The following MUC12 variants were observed in gnomAD, a reference collection of about 807,000 sequenced individuals.
MUC12 encodes mucin 12, cell surface associated.
In MUC12, 172 loss-of-function variants were observed where a neutral mutation model predicts 230.8. The observed-to-expected ratio is 0.75, with a 90% CI of 0.66 to 0.85. The LOEUF (loss-of-function observed/expected upper bound fraction) is 0.85. Among genes scored for constraint, MUC12 ranks in the 40% least tolerant of loss-of-function variants. The pLI, the probability that MUC12 is intolerant of heterozygous loss-of-function variation, is 0.00. For synonymous variants in MUC12, 1,259 were observed against 2,401.9 expected, an observed-to-expected ratio of 0.52 and a Z score of 13.91; for missense variants, 3,506 against 5,920.6, an observed-to-expected ratio of 0.59 and a Z score of 13.38.
intron 11 of MUC12, 109 bp from the exon 12 acceptor site, chr7:101,018,486 T>G: frequency 3.2e-6 from 1 of 309,050 alleles, no homozygotes. Context: ...TGGGACTCCC[T>G]CCCTCCCCCT....
At chr7:101,006,667 T>G (rs1793758196) in intron 3 of MUC12, 95 bp downstream of exon 3, 1 of 835,428 alleles carries the variant, frequency 1.2e-6, no homozygotes, top group Non-Finnish European at 2.0e-6. Flanking sequence ...CTGCCTCACT[T>G]GCAGGTGGAG....
rs1334937346 is a variant in MUC12, at chr7:100,991,830, C to T, written c.1267C>T (p.His423Tyr). The part of the protein sequence containing the change: ...HSSLGSTETT[H>Y]FRDSSTISGR... ...CAGCCTGGGCTCAACTGAAACAACA[C>T]ACTTCCGTGATAGCTCCACAATCTC... Residue 423 changes from histidine to tyrosine, a missense_variant, in exon 2 of 12, where the codon CAC (histidine) becomes TAC (tyrosine). Physicochemically the swap from His to Tyr is moderately conservative, Grantham distance 83. Transcript: ENST00000536621. 1 of 1,537,708 alleles carries T rather than the reference C, an allele frequency of 6.5e-7. No homozygotes were observed. Among genetic ancestry groups the T allele is most frequent in the South Asian group, 1.2e-5 (1 of 84,044 alleles).
intron 1 of MUC12, among the ~76,000 whole-genome samples, chr7:100,987,136 G>A (rs1793203430): frequency 7.3e-6 from 1 of 137,380 alleles, no homozygotes; most frequent in Non-Finnish European, 1.5e-5. Context: ...GTGCAATCTC[G>A]GCTCACCGCA....
Position 101,003,218 on chromosome 7 carries a change from T to A in MUC12, c.12655T>A (p.Ser4219Thr). ...AGGCGTCAGTGAAGAATCCACCACC[T>A]CCCACAGCCGACCAGGCTCAATGCA... ...SSGVSEESTT[S>T]HSRPGSMHTT... The change falls in exon 2 of 12, where the codon TCC becomes ACC. Residue 4219 changes from serine to threonine, a missense_variant. Transcript: ENST00000536621. 1 of 1,426,470 alleles carries A rather than the reference T, an allele frequency of 7.0e-7. No individual in the cohort carries two copies. Among genetic ancestry groups the A allele is most frequent in the Non-Finnish European group, 9.2e-7 (1 of 1,086,850 alleles). 88.4% of individuals were successfully genotyped at this position (1,426,470 alleles called of 1,614,324 possible). A position where few individuals can be genotyped will look rare whatever the true frequency, so the allele number is the denominator to read the frequency against.
intron 8 of MUC12, among the ~76,000 whole-genome samples, chr7:101,013,601 G>A (rs550425778): frequency 3.3e-5 from 5 of 152,274 alleles, no homozygotes; most frequent in African/African-American, 1.2e-4. Context: ...CATGATAACA[G>A]GCCCATTTAG....
chr7:100,979,050 AC>A (rs1176731953), intron 1 of MUC12, among the ~76,000 whole-genome samples: 1 of 151,852 alleles, frequency 6.6e-6, no homozygotes, highest in Non-Finnish European at 1.5e-5. Flanking sequence ...CCTCAAGCAA[AC>A]CTCCTGCCTC....
chr7:101,009,639 C>G (rs1484461961), intron 5 of MUC12, among the ~76,000 whole-genome samples: 1 of 151,984 alleles, frequency 6.6e-6, no homozygotes, highest in Non-Finnish European at 1.5e-5. Context: ...TCGAGACTAG[C>G]CTGGGCAACA....
chr7:100,969,666 C>G lies in MUC12; in HGVS notation c.44C>G (p.Ala15Gly). Reference protein sequence around the residue: ...WILTLALRLCASVTTVTPGST... With the variant: ...WILTLALRLCGSVTTVTPGST... ...CTGACGCTGGCTCTCCGGCTCTGCG[C>G]GTCCGTTACTACAGTGACACCAGGT... Residue 15 changes from alanine (A) to glycine (G), a missense_variant, in exon 1 of 12, where the codon GCG (alanine) becomes GGG (glycine). By Grantham distance (60) the Ala-to-Gly change is moderately conservative. Coordinates refer to ENST00000536621, the MANE Select transcript of MUC12 (RefSeq NM_001164462.2). The G allele has an allele frequency of 6.5e-7, 1 of 1,537,438 alleles. No homozygotes were observed. The highest frequency in any genetic ancestry group is 1.7e-4 in the Middle Eastern group (1 of 5,990).
intron 1 of MUC12, among the ~76,000 whole-genome samples, chr7:100,977,124 G>A (rs1191166926): frequency 1.3e-5 from 2 of 149,386 alleles, no homozygotes; most frequent in African/African-American, 4.9e-5. Flanking sequence ...GGAGGAGTCA[G>A]GATTTGAACC....
chr7:100,972,011 T>C, intron 1 of MUC12: 1 of 700,604 alleles, frequency 1.4e-6, no homozygotes, highest in Admixed American at 2.0e-5. Flanking sequence ...CATCTATCTA[T>C]GGCCAGTGCA....
At position 101,004,624 on chromosome 7, in the gene MUC12, C is replaced by T. The variant is rs529961565; in HGVS notation, c.14061C>T (p.His4687=). Residue 4687 remains histidine (H), a synonymous_variant, in exon 2 of 12, where the codon CAC becomes CAT. Coordinates refer to ENST00000536621, the MANE Select transcript of MUC12 (RefSeq NM_001164462.2). ...SGRSEESTAS[H]SSPDTNGITP... ...GTAGTGAGGAATCAACAGCATCCCA[C>T]AGCAGCCCAGATACAAATGGAATCA... The T allele has an allele frequency of 3.9e-6, 6 of 1,537,416 alleles. No homozygotes were observed. Among genetic ancestry groups the T allele is most frequent in the Non-Finnish European group, 5.2e-6 (6 of 1,146,600 alleles).
At chr7:101,011,388 T>G (rs1156566210) in intron 5 of MUC12, among the ~76,000 whole-genome samples, 1 of 152,202 alleles carries the variant, frequency 6.6e-6, no homozygotes, top group Admixed American at 6.5e-5. Context: ...CATTGGCTAT[T>G]GAAGGAGTAG....
chr7:101,007,339 T>C (rs1793771011), intron 3 of MUC12, among the ~76,000 whole-genome samples: 1 of 152,190 alleles, frequency 6.6e-6, no homozygotes. Flanking sequence ...GTCTTATTCA[T>C]CCTTTCTAAC....
intron 8 of MUC12, among the ~76,000 whole-genome samples, chr7:101,013,455 A>G (rs1476931636): frequency 6.6e-6 from 1 of 151,590 alleles, no homozygotes; most frequent in African/African-American, 2.4e-5. Context: ...CTATCTTTGT[A>G]TCTCTATCTC....
chr7:101,004,892 C>A lies in MUC12; in HGVS notation c.14329C>A (p.His4777Asn). ...CTTGTATAGCCAAGCAGAGTCAACA[C>A]ACACAACAGCGTTCCCTGCCAGCAC... The part of the protein sequence containing the change: ...TSLYSQAEST[H>N]TTAFPASTTT... Residue 4777 changes from histidine (H) to asparagine (N), a missense_variant, in exon 2 of 12, where the codon CAC becomes AAC. Physicochemically the swap from His to Asn is moderately conservative, Grantham distance 68. Transcript: ENST00000536621. 6.5e-7 allele frequency: 1 copy of A among 1,537,784 alleles called. No individual in the cohort carries two copies. Among genetic ancestry groups the A allele is most frequent in the Non-Finnish European group, 8.7e-7 (1 of 1,147,026 alleles).
Position 101,004,548 on chromosome 7 carries a change from C to G in MUC12, c.13985C>G (p.Pro4662Arg). ...VEEPTSYHSS[P>R]GSIATTHFPE... ...GAACCTACCAGCTACCACAGCAGCC[C>G]GGGCTCAATTGCAACAACACACTTT... is the stretch of plus-strand genomic sequence containing the variant. Residue 4662 changes from proline to arginine, a missense_variant, in exon 2 of 12, where the codon CCG (proline) becomes CGG (arginine). Pro to Arg is a moderately radical substitution (Grantham distance 103). Transcript: ENST00000536621. 6.5e-7 allele frequency: 1 copy of G among 1,537,282 alleles called. No individual in the cohort carries two copies. Among genetic ancestry groups the G allele is most frequent in the Non-Finnish European group, 8.7e-7 (1 of 1,146,848 alleles).
In MUC12 at chr7:101,013,234, T is replaced by C. The variant is rs965920020; in HGVS notation, c.15638+92T>C. 3 of 1,439,930 alleles carry C rather than the reference T, an allele frequency of 2.1e-6. No individual in the cohort carries two copies. In the African/African-American group the frequency reaches 4.2e-5, roughly 20 times the overall value. 89.2% of individuals were successfully genotyped at this position (1,439,930 alleles called of 1,614,324 possible). ...TCACCCACAGGGTTGGGGGATTGAG[T>C]AGAGCTTGGGAGGTGCCTCCTCCCC... On this transcript the variant is annotated intron_variant, in intron 8 of 11. Transcript: ENST00000536621.
chr7:100,987,239 G>T lies in MUC12; in HGVS notation c.68-3392G>T, dbSNP rs182554555. Among the ~76,000 whole-genome samples, 796 of 151,990 alleles carry T rather than the reference G, an allele frequency of 5.2e-3. 6 individuals are homozygous for T. Among genetic ancestry groups the T allele is most frequent in the African/African-American group, 0.018 (766 of 41,470 alleles). On this transcript the variant is annotated intron_variant, in intron 1 of 11. Transcript: ENST00000536621. ...ATGCTACCATGCCTGGCTAATTTTTGTATTTTTAGTAGGGATGGGGTTTCA... is the reference window on the plus strand; with the variant it reads ...ATGCTACCATGCCTGGCTAATTTTTTTATTTTTAGTAGGGATGGGGTTTCA...
rs1345474582 is a variant in MUC12, at chr7:100,991,944, C to A, written c.1381C>A (p.Leu461Ile). The A allele has an allele frequency of 4.6e-6, 7 of 1,537,926 alleles. No homozygotes were observed. The Admixed American group carries it at 9.8e-5, about 22-fold the overall frequency. Residue 461 changes from leucine to isoleucine, a missense_variant, in exon 2 of 12, where the codon CTT becomes ATT. By Grantham distance (5) the Leu-to-Ile change is conservative (BLOSUM62 2). Coordinates refer to ENST00000536621, the MANE Select transcript of MUC12 (RefSeq NM_001164462.2). ...ACCTGCCGGCTCTACACCCTCAGTT[C>A]TTGTTGGAGACTCGACGCCCTCACC... is the stretch of plus-strand genomic sequence containing the variant. ...VLPAGSTPSV[L>I]VGDSTPSPIS... is the part of the protein sequence containing the mutation.
Sources: gnomAD v4.1 joint callset for allele counts (sites outside exome capture counted in the v4.1 genomes callset) on GRCh38, gnomAD v4.1.1 for gene constraint, MANE v1.5 for transcripts, NCBI Gene and HGNC (gene_info 2026-07-23, HGNC 2026-07-21) for gene names.